The following SPMIP1 variants were observed in gnomAD, a reference collection of about 807,000 sequenced individuals.
SPMIP1 encodes sperm microtubule inner protein 1.
chr7:128,866,573 C>A, the SPMIP1 span: 2 of 1,535,538 alleles, frequency 1.3e-6, no homozygotes, highest in East Asian at 4.9e-5. Flanking sequence ...AAACTGCCCA[C>A]CCTGCACCCC....
the SPMIP1 span, among the ~76,000 whole-genome samples, chr7:128,867,530 C>G: frequency 2.0e-5 from 3 of 151,372 alleles, no homozygotes; most frequent in Admixed American, 2.0e-4. Context: ...GAAGTCAGAG[C>G]TGAAGATGCA....
the SPMIP1 span, chr7:128,869,865 G>A: frequency 6.6e-6 from 1 of 152,378 alleles, no homozygotes; most frequent in Admixed American, 6.5e-5. Context: ...CCCCGGTGCG[G>A]GGCCCACTCC....
chr7:128,868,843 C>T, the SPMIP1 span: 3 of 997,974 alleles, frequency 3.0e-6, no homozygotes, highest in Non-Finnish European at 4.4e-6. Flanking sequence ...GGCAAAGCTG[C>T]TGTGTGTGTC....
At chr7:128,866,679 G>T in the SPMIP1 span, 1 of 1,318,752 alleles carries the variant, frequency 7.6e-7, no homozygotes, top group Non-Finnish European at 9.8e-7. Flanking sequence ...AAATGTACCC[G>T]GTACCACCTA....
At chr7:128,868,336 G>C in the SPMIP1 span, among the ~76,000 whole-genome samples, 1 of 152,214 alleles carries the variant, frequency 6.6e-6, no homozygotes, top group Non-Finnish European at 1.5e-5. Flanking sequence ...AGCAGGAGGC[G>C]AGCCCTAGAA....
At chr7:128,871,969 G>A in the SPMIP1 span, 2 of 152,168 alleles carry the variant, frequency 1.3e-5, no homozygotes, top group East Asian at 3.9e-4. Flanking sequence ...ATAATTATTG[G>A]CACTTTTCTT....
At chr7:128,868,800 G>A in the SPMIP1 span, 1 of 1,488,414 alleles carries the variant, frequency 6.7e-7, no homozygotes, top group South Asian at 1.2e-5. Flanking sequence ...TGGGCTTAGG[G>A]GAGGGAAGAA....
the SPMIP1 span, chr7:128,870,054 C>A: frequency 6.6e-6 from 1 of 152,256 alleles, no homozygotes; most frequent in Admixed American, 6.5e-5. Flanking sequence ...GCCCACGCCC[C>A]CTCCCGGGCG....
the SPMIP1 span, chr7:128,866,744 G>A: frequency 1.8e-4 from 280 of 1,535,910 alleles, no homozygotes; most frequent in Non-Finnish European, 2.3e-4. Context: ...GGGCGGTACC[G>A]CTACCTCAAC....
At chr7:128,866,608 G>T in the SPMIP1 span, 1 of 417,082 alleles carries the variant, frequency 2.4e-6, no homozygotes. Flanking sequence ...ACCCCCACCC[G>T]CCCCCAAGTC....
the SPMIP1 span, chr7:128,868,736 G>T: frequency 6.5e-7 from 1 of 1,535,826 alleles, no homozygotes; most frequent in Non-Finnish European, 8.7e-7. Flanking sequence ...GCAAGAACGG[G>T]GCCTTCGCAC....
chr7:128,870,767 G>A, the SPMIP1 span: 2 of 152,296 alleles, frequency 1.3e-5, no homozygotes, highest in Non-Finnish European at 2.9e-5. Context: ...CCAGGTTTGA[G>A]AGGGAACCTG....
At chr7:128,868,843 C>A in the SPMIP1 span, 1 of 997,970 alleles carries the variant, frequency 1.0e-6, no homozygotes, top group Non-Finnish European at 1.5e-6. Flanking sequence ...GGCAAAGCTG[C>A]TGTGTGTGTC....
chr7:128,870,437 A>C, the SPMIP1 span: 1 of 151,950 alleles, frequency 6.6e-6, no homozygotes, highest in Non-Finnish European at 1.5e-5. Context: ...TCACCTTCTG[A>C]CTCTGAGGAG....
At chr7:128,868,029 G>A in the SPMIP1 span, among the ~76,000 whole-genome samples, 117 of 152,314 alleles carry the variant, frequency 7.7e-4, 1 homozygote, top group African/African-American at 2.7e-3. Context: ...TTGAGTCAAG[G>A]CCATCAGCGG....
the SPMIP1 span, chr7:128,871,445 G>C: frequency 1.4e-4 from 22 of 152,150 alleles, no homozygotes; most frequent in African/African-American, 4.8e-4. Context: ...CCTTTTCTTT[G>C]TTTCTGACAG....
chr7:128,868,616 C>A, the SPMIP1 span: 3 of 1,223,014 alleles, frequency 2.5e-6, no homozygotes, highest in Admixed American at 2.1e-5. Flanking sequence ...CCATGCTCTG[C>A]GTGTCCCTCC....
the SPMIP1 span, chr7:128,869,009 G>T: frequency 4.6e-6 from 2 of 434,512 alleles, no homozygotes; most frequent in Non-Finnish European, 8.2e-6. Context: ...GGAAGGGCGA[G>T]CACTACTTCG....
At chr7:128,868,187 C>G in the SPMIP1 span, among the ~76,000 whole-genome samples, 22 of 152,380 alleles carry the variant, frequency 1.4e-4, no homozygotes, top group East Asian at 2.9e-3. Context: ...CTCCTCAGCC[C>G]TGTACCCTTC....
Sources: allele counts gnomAD v4.1 joint callset (sites outside exome capture counted in the v4.1 genomes callset), GRCh38; gene constraint gnomAD v4.1.1; transcripts MANE v1.5; gene names NCBI Gene and HGNC (gene_info 2026-07-23, HGNC 2026-07-21).